KMT2C: variants seen among roughly 807,000 people sequenced by gnomAD.
KMT2C encodes histone-lysine N-methyltransferase 2C.
In KMT2C, 88 loss-of-function variants were observed where a neutral mutation model predicts 507.9. The ratio of observed to expected loss-of-function variants is 0.17; its 90% CI spans 0.15 to 0.21. The LOEUF (loss-of-function observed/expected upper bound fraction) is 0.21, where lower values mean the gene tolerates loss of function less well. Ranked by LOEUF, KMT2C falls within the 10% of genes least tolerant of loss-of-function variation. The pLI, the probability that KMT2C is intolerant of heterozygous loss-of-function variation, is 1.00. For synonymous variants in KMT2C, 2,049 were observed against 2,080.8 expected, an observed-to-expected ratio of 0.98 and a Z score of 0.42; for missense variants, 4,954 against 5,957.8, an observed-to-expected ratio of 0.83 and a Z score of 5.55.
intron 1 of KMT2C, chr7:152,367,015 C>T (rs2097252799): frequency 1.7e-6 from 1 of 591,070 alleles, no homozygotes. Context: ...CTCACCTGAG[C>T]CTGGGCTCTT....
intron 58 of KMT2C, chr7:152,137,818 G>C (rs1459809965): frequency 6.6e-6 from 1 of 152,206 alleles, no homozygotes; most frequent in African/African-American, 2.4e-5. Context: ...GACCACCATG[G>C]TAGCCATTGG....
chr7:152,397,660 T>G (rs912986163), intron 1 of KMT2C, among the ~76,000 whole-genome samples: 1 of 152,134 alleles, frequency 6.6e-6, no homozygotes, highest in Non-Finnish European at 1.5e-5. Context: ...AAAGCTCCCA[T>G]AATTCCCACG....
In KMT2C at chr7:152,259,442, ACGCG is replaced by A. The variant is rs747764672; in HGVS notation, c.1299+3570_1299+3573del. Among the ~76,000 whole-genome samples the A allele has an allele frequency of 2.0e-3, 241 of 118,058 alleles. 1 individual carries two copies. Among genetic ancestry groups the A allele is most frequent in the African/African-American group, 8.8e-3 (234 of 26,560 alleles). 77.5% of individuals were successfully genotyped at this position (118,058 alleles called of 152,430 possible). A position where few individuals can be genotyped will look rare whatever the true frequency, so the allele number is the denominator to read the frequency against. On this transcript the variant is annotated intron_variant, in intron 9 of 58. Coordinates refer to ENST00000262189, the MANE Select transcript of KMT2C (RefSeq NM_170606.3). ...TAGAGACAAAAACACAGACACACAC[ACGCG>A]CACACACACACACACACACACACAC... is the stretch of plus-strand genomic sequence containing the variant.
chr7:152,434,696 C>T (rs1402840882), intron 1 of KMT2C, among the ~76,000 whole-genome samples: 1 of 152,170 alleles, frequency 6.6e-6, no homozygotes, highest in Non-Finnish European at 1.5e-5. Context: ...TTCGCTGGCA[C>T]TAAAACGGTG....
chr7:152,425,525 C>T (rs188572793), intron 1 of KMT2C, among the ~76,000 whole-genome samples: 3 of 152,186 alleles, frequency 2.0e-5, no homozygotes, highest in Admixed American at 6.5e-5. Flanking sequence ...TGCAGTAAGC[C>T]GAGATCGTGC....
In KMT2C at chr7:152,136,629, C is replaced by T. The variant is rs377271632; in HGVS notation, c.*203G>A. The T allele has an allele frequency of 8.9e-6, 5 of 560,250 alleles. No individual in the cohort carries two copies. In the East Asian group the frequency reaches 1.5e-4, roughly 16 times the overall value. 34.7% of individuals were successfully genotyped at this position (560,250 alleles called of 1,614,324 possible). A position where few individuals can be genotyped will look rare whatever the true frequency, so the allele number is the denominator to read the frequency against. ...TTCTGTGATTCCGTTTAACCTCGGC[C>T]ACTTCAGGAACGCTGCTTCTGTCAG... is the stretch of plus-strand genomic sequence containing the variant. On this transcript the variant is annotated 3_prime_UTR_variant, in exon 59 of 59. Transcript: ENST00000262189.
chr7:152,176,603 A>G lies in KMT2C; in HGVS notation c.8850T>C (p.His2950=), dbSNP rs1380021088. The G allele has an allele frequency of 5.0e-6, 8 of 1,614,088 alleles. No individual in the cohort carries two copies. Among genetic ancestry groups the G allele is most frequent in the African/African-American group, 1.3e-5 (1 of 74,944 alleles). Residue 2950 remains histidine, a synonymous_variant, in exon 38 of 59, where the codon CAT becomes CAC. Coordinates refer to ENST00000262189, the MANE Select transcript of KMT2C (RefSeq NM_170606.3). The part of the protein sequence containing the change: ...PPTLPASPSN[H]VSSLPPFIAP... ...CTATGAAAGGAGGCAAACTTGACAC[A>G]TGATTGGATGGGGAGGCCGGCAGAG...
rs567490370 is a variant in KMT2C at position 152,156,286 on chromosome 7, T to A, written c.11731A>T (p.Met3911Leu). 6.2e-7 allele frequency: 1 copy of A among 1,614,072 alleles called. No homozygotes were observed. Among genetic ancestry groups the A allele is most frequent in the Non-Finnish European group, 8.5e-7 (1 of 1,180,006 alleles). ...CCATTGGCCATCTTCTGACAAGCCATAGGAGGTGGTGTAGGAGGAAGAGAG... is the reference window on the plus strand; with the variant it reads ...CCATTGGCCATCTTCTGACAAGCCAAAGGAGGTGGTGTAGGAGGAAGAGAG... ...PASLPPTPPP[M>L]ACQKMANGFA... Residue 3911 changes from methionine to leucine, a missense_variant, in exon 45 of 59, where the codon ATG (methionine) becomes TTG (leucine). Met to Leu is a conservative substitution (Grantham distance 15). Transcript: ENST00000262189.
intron 3 of KMT2C, among the ~76,000 whole-genome samples, chr7:152,319,428 T>C (rs2096751230): frequency 6.6e-6 from 1 of 152,124 alleles, no homozygotes; most frequent in African/African-American, 2.4e-5. Flanking sequence ...GAGCCTTCTG[T>C]TATGCCCAGA....
chr7:152,307,202 GAA>G (rs2096624057), intron 6 of KMT2C, among the ~76,000 whole-genome samples: 1 of 82,130 alleles, frequency 1.2e-5, no homozygotes, highest in South Asian at 4.6e-4. Flanking sequence ...AGGGAGGAAG[GAA>G]GGAAGGAAGG....
chr7:152,231,572 G>A (rs2095114564), intron 16 of KMT2C, among the ~76,000 whole-genome samples: 1 of 152,232 alleles, frequency 6.6e-6, no homozygotes, highest in African/African-American at 2.4e-5. Context: ...CTTGAGCTCA[G>A]GAGTTCGAGA....
chr7:152,247,508 GAAT>G (rs1456156830), intron 14 of KMT2C, among the ~76,000 whole-genome samples: 1 of 152,294 alleles, frequency 6.6e-6, no homozygotes. Flanking sequence ...TATATACAAT[GAAT>G]AATATCAATA....
At chr7:152,415,309 A>G (rs527681798) in intron 1 of KMT2C, among the ~76,000 whole-genome samples, 1 of 148,682 alleles carries the variant, frequency 6.7e-6, no homozygotes, top group East Asian at 2.0e-4. Context: ...TTACTTTCTA[A>G]AAGTCAAAAA....
chr7:152,315,387 C>A (rs2129202814), intron 3 of KMT2C, 49 bp from the exon 4 acceptor site: 3 of 1,353,748 alleles, frequency 2.2e-6, no homozygotes, highest in Non-Finnish European at 3.2e-6. Flanking sequence ...TAGCTTTATT[C>A]AACTGCTTTA....
intron 31 of KMT2C, among the ~76,000 whole-genome samples, chr7:152,191,311 C>A (rs1032577849): frequency 6.6e-6 from 1 of 151,836 alleles, no homozygotes; most frequent in Non-Finnish European, 1.5e-5. Flanking sequence ...TACCTTCTAC[C>A]AGCACACACA....
intron 2 of KMT2C, among the ~76,000 whole-genome samples, chr7:152,351,027 C>G (rs1260603056): frequency 3.3e-5 from 5 of 152,156 alleles, no homozygotes; most frequent in Non-Finnish European, 7.3e-5. Flanking sequence ...CTATCACTGT[C>G]TTTCCACCTC....
chr7:152,413,885 C>CCAAAAAAAAA (rs2097706596), intron 1 of KMT2C, among the ~76,000 whole-genome samples: 1 of 108,178 alleles, frequency 9.2e-6, no homozygotes, highest in African/African-American at 4.5e-5. Context: ...AACTCCGTCT[C>CCAAAAAAAAA]AAAAAAAAAA....
At chr7:152,297,487 G>T (rs1462643591) in intron 6 of KMT2C, among the ~76,000 whole-genome samples, 3 of 152,152 alleles carry the variant, frequency 2.0e-5, no homozygotes, top group African/African-American at 7.2e-5. Context: ...GAAACAATGG[G>T]AGGGAACAGG....
chr7:152,196,050 T>C, intron 27 of KMT2C, 39 bp from the exon 28 acceptor site: 1 of 1,248,650 alleles, frequency 8.0e-7, no homozygotes, highest in Non-Finnish European at 1.1e-6. Context: ...TTTCAGTATT[T>C]TCTCAGATAT....
Sources: allele counts gnomAD v4.1 joint callset (sites outside exome capture counted in the v4.1 genomes callset), GRCh38; gene constraint gnomAD v4.1.1; transcripts MANE v1.5; gene names NCBI Gene and HGNC (gene_info 2026-07-23, HGNC 2026-07-21).